ANO6: variants seen among roughly 807,000 people sequenced by gnomAD.
The protein encoded by ANO6 is anoctamin-6.
ANO6 carries 106 observed loss-of-function variants against 117.5 expected under a neutral mutation model. That is an observed-to-expected ratio of 0.90 (90% CI 0.77 to 1.06). The LOEUF is 1.06. Ranked by LOEUF, ANO6 falls within the 50% of genes least tolerant of loss-of-function variation. The probability of loss-of-function intolerance (pLI) is 0.00; values close to 1 mark genes in which losing one functional copy is unlikely to be tolerated. For missense variants in ANO6, 955 were observed against 1,121.1 expected (o/e 0.85, Z 2.12); for synonymous variants, 367 against 385.1 (o/e 0.95, Z 0.55).
At chr12:45,297,433 T>G (rs1939331550) in intron 1 of ANO6, among the ~76,000 whole-genome samples, 1 of 152,248 alleles carries the variant, frequency 6.6e-6, no homozygotes, top group Non-Finnish European at 1.5e-5. Flanking sequence ...ATGGCTCTTT[T>G]TATTGGCCAG....
chr12:45,424,330 T>G (rs1041114856), intron 19 of ANO6, among the ~76,000 whole-genome samples: 5 of 107,596 alleles, frequency 4.6e-5, no homozygotes, highest in African/African-American at 1.8e-4. Flanking sequence ...GTGATGGGTT[T>G]TTTTTTTTTT....
At chr12:45,345,976 A>T (rs1941120690) in intron 3 of ANO6, among the ~76,000 whole-genome samples, 1 of 133,170 alleles carries the variant, frequency 7.5e-6, no homozygotes, top group Non-Finnish European at 1.6e-5. Context: ...GTAGGGAGAA[A>T]CAAAAATGGG....
At position 45,431,175 on chromosome 12, in the gene ANO6, C is replaced by T. The variant is rs1299999461; in HGVS notation, c.*1864C>T. The T allele has an allele frequency of 1.0e-6, 1 of 985,230 alleles. No homozygotes were observed. The highest frequency in any genetic ancestry group is 1.1e-4 in the East Asian group (1 of 8,810). 61.0% of individuals were successfully genotyped at this position (985,230 alleles called of 1,614,324 possible). ...TGATGCAATCAGAGTTCAAGACAGG[C>T]CCCATGAAGTCTGACTGCACTGGGA... On this transcript the variant is annotated 3_prime_UTR_variant, in exon 20 of 20. Transcript: ENST00000320560.
intron 1 of ANO6, among the ~76,000 whole-genome samples, chr12:45,289,975 C>T (rs1464006119): frequency 6.6e-6 from 1 of 152,062 alleles, no homozygotes; most frequent in East Asian, 1.9e-4. Flanking sequence ...GGTTATAAAA[C>T]CTGACAGAGC....
chr12:45,340,954 T>G (rs1940963413), intron 3 of ANO6, among the ~76,000 whole-genome samples: 2 of 152,198 alleles, frequency 1.3e-5, no homozygotes, highest in Non-Finnish European at 2.9e-5. Context: ...TTTGATCAAT[T>G]TTTTAAGTAT....
At chr12:45,261,833 A>G (rs559033182) in intron 1 of ANO6, among the ~76,000 whole-genome samples, 30 of 152,344 alleles carry the variant, frequency 2.0e-4, no homozygotes, top group Non-Finnish European at 3.4e-4. Context: ...GGTGCATCAC[A>G]TCTGAAAGGC....
intron 1 of ANO6, among the ~76,000 whole-genome samples, chr12:45,293,729 G>GTTTTTTT (rs138396024): frequency 3.0e-3 from 144 of 48,396 alleles, no homozygotes; most frequent in Middle Eastern, 0.018. Flanking sequence ...CCTGGCTAAT[G>GTTTTTTT]TTTTTTTTTT....
At chr12:45,243,312 C>T (rs147492320) in intron 1 of ANO6, among the ~76,000 whole-genome samples, 51 of 152,164 alleles carry the variant, frequency 3.4e-4, no homozygotes, top group African/African-American at 1.2e-3. Context: ...GAGTGAGACC[C>T]TCTCTTAAAA....
At chr12:45,312,183 A>G (rs1006244030) in intron 2 of ANO6, among the ~76,000 whole-genome samples, 1 of 152,080 alleles carries the variant, frequency 6.6e-6, no homozygotes, top group African/African-American at 2.4e-5. Context: ...GACATTCTGA[A>G]CAAAGATGTG....
At chr12:45,331,208 A>G in intron 2 of ANO6, 87 bp from the exon 3 acceptor site, 1 of 1,216,248 alleles carries the variant, frequency 8.2e-7, no homozygotes, top group South Asian at 1.4e-5. Context: ...TTCACAATAA[A>G]CCTATTAAAG....
chr12:45,230,096 C>T (rs1947552479), intron 1 of ANO6, among the ~76,000 whole-genome samples: 1 of 152,058 alleles, frequency 6.6e-6, no homozygotes, highest in Admixed American at 6.6e-5. Flanking sequence ...AGAGATTTCG[C>T]CTTTCCCCCA....
chr12:45,390,377 C>T, intron 11 of ANO6, 44 bp from the exon 12 acceptor site: 1 of 1,402,298 alleles, frequency 7.1e-7, no homozygotes, highest in Non-Finnish European at 1.0e-6. Context: ...AATTTTATTA[C>T]AGTAATCCCT....
chr12:45,257,380 A>G (rs1477244650), intron 1 of ANO6, among the ~76,000 whole-genome samples: 1 of 152,098 alleles, frequency 6.6e-6, no homozygotes, highest in African/African-American at 2.4e-5. Flanking sequence ...CCCCAGTCTG[A>G]TGTGCCACAG....
intron 10 of ANO6, among the ~76,000 whole-genome samples, chr12:45,381,532 G>C (rs1461453823): frequency 1.3e-5 from 2 of 152,164 alleles, no homozygotes; most frequent in Non-Finnish European, 2.9e-5. Context: ...GCGTGGCCCA[G>C]GAGTACTCCA....
rs375698398 is a variant in ANO6, at chr12:45,236,563, CT to C, written c.70+20178del. ...TCCCTGCAAAGGACATGAGCTCATC[CT>C]TTTTTATGGTTGCATAGTATTCCAC... is the stretch of plus-strand genomic sequence containing the variant. On this transcript the variant is annotated intron_variant, in intron 1 of 19. Transcript: ENST00000320560. Among the ~76,000 whole-genome samples the C allele has an allele frequency of 4.3e-3, 652 of 152,250 alleles. 6 individuals are homozygous for C. Among genetic ancestry groups the C allele is most frequent in the African/African-American group, 0.015 (617 of 41,544 alleles).
At chr12:45,321,973 C>G (rs1439502590) in intron 2 of ANO6, among the ~76,000 whole-genome samples, 1 of 152,038 alleles carries the variant, frequency 6.6e-6, no homozygotes, top group African/African-American at 2.4e-5. Flanking sequence ...TCACTGTGAG[C>G]ATGTGGTGGT....
intron 1 of ANO6, among the ~76,000 whole-genome samples, chr12:45,237,441 T>C: frequency 6.6e-6 from 1 of 152,354 alleles, no homozygotes; most frequent in Admixed American, 6.5e-5. Flanking sequence ...TTTCTACATA[T>C]GGCTAGCCAG....
rs1565770409 is a variant in ANO6, at chr12:45,421,136, C to G, written c.2283C>G (p.Val761=). Residue 761 remains valine, a synonymous_variant, in exon 18 of 20, where the codon GTC becomes GTG. Transcript: ENST00000320560. ...TAGTGTACTACTGGTCCTTCTCCGTCCCTCCCTACGGGGACCACACTTCCT... is the reference window on the plus strand; with the variant it reads ...TAGTGTACTACTGGTCCTTCTCCGTGCCTCCCTACGGGGACCACACTTCCT... ...PRLVYYWSFS[V]PPYGDHTSYT... is the part of the protein sequence containing the mutation. The G allele has an allele frequency of 6.2e-7, 1 of 1,614,068 alleles. No homozygotes were observed. The highest frequency in any genetic ancestry group is 1.7e-5 in the Admixed American group (1 of 60,016).
chr12:45,388,326 G>T (rs972442299), intron 11 of ANO6, 23 bp downstream of exon 11: 3 of 1,613,340 alleles, frequency 1.9e-6, no homozygotes, highest in Non-Finnish European at 2.5e-6. Context: ...GTATTTAGGT[G>T]CAGTTTAATC....
Sources: allele counts gnomAD v4.1 joint callset (sites outside exome capture counted in the v4.1 genomes callset), GRCh38; gene constraint gnomAD v4.1.1; transcripts MANE v1.5; gene names NCBI Gene and HGNC (gene_info 2026-07-23, HGNC 2026-07-21).